Variants in ARHGAP32 observed in about 807,000 individuals in gnomAD.
ARHGAP32 encodes the protein rho GTPase-activating protein 32.
A neutral mutation model predicts 186.5 loss-of-function variants in ARHGAP32; 51 were observed. That is an observed-to-expected ratio of 0.27 (90% CI 0.22 to 0.35). The LOEUF is 0.35. Ranked by LOEUF, ARHGAP32 falls within the 10% of genes least tolerant of loss-of-function variation. The pLI is 1.00. For synonymous variants in ARHGAP32, 950 were observed against 964.3 expected, an observed-to-expected ratio of 0.99 and a Z score of 0.27; for missense variants, 2,186 against 2,623.5, an observed-to-expected ratio of 0.83 and a Z score of 3.64.
At chr11:129,005,297 AC>A (rs1045423069) in intron 11 of ARHGAP32, among the ~76,000 whole-genome samples, 1 of 152,186 alleles carries the variant, frequency 6.6e-6, no homozygotes, top group Non-Finnish European at 1.5e-5. Context: ...TTTACACACC[AC>A]AGTTAGTGTT....
intron 1 of ARHGAP32, among the ~76,000 whole-genome samples, chr11:129,234,550 T>C (rs1200705859): frequency 6.6e-6 from 1 of 152,176 alleles, no homozygotes; most frequent in Non-Finnish European, 1.5e-5. Context: ...AGTTAAAATA[T>C]ATCAATATAA....
chr11:128,971,322 C>T, intron 22 of ARHGAP32, 163 bp from the exon 23 acceptor site: 1 of 589,458 alleles, frequency 1.7e-6, no homozygotes. Context: ...GAAAAGAAGG[C>T]TTGTGCTGCT....
At chr11:129,185,492 A>G (rs545711996) in intron 1 of ARHGAP32, among the ~76,000 whole-genome samples, 71 of 152,292 alleles carry the variant, frequency 4.7e-4, no homozygotes, top group Admixed American at 3.5e-3. Context: ...TAGGAGATAT[A>G]CCTAATGTAA....
Position 129,123,775 on chromosome 11 carries a change from C to A in ARHGAP32, c.359+113G>T. 1.1e-6 allele frequency: 1 copy of A among 921,434 alleles called. No homozygotes were observed. Among genetic ancestry groups the A allele is most frequent in the South Asian group, 1.6e-5 (1 of 61,320 alleles). The allele number at this position is 921,434 out of a possible 1,614,324, so 57.1% of individuals were successfully genotyped here. On this transcript the variant is annotated intron_variant, in intron 4 of 22. Transcript: ENST00000682385. The surrounding 1 kb of genome is among the most constrained non-coding windows in gnomAD (Gnocchi z 4.6). Reference sequence around the variant, plus strand: ...ATCACCGTTATCTCCTAATTTTGACCCGAATCAATGTCCATAGAAAAACTG... The same window carrying A: ...ATCACCGTTATCTCCTAATTTTGACACGAATCAATGTCCATAGAAAAACTG...
At chr11:129,048,060 C>T (rs974666775) in intron 10 of ARHGAP32, among the ~76,000 whole-genome samples, 6 of 151,988 alleles carry the variant, frequency 3.9e-5, no homozygotes, top group African/African-American at 1.5e-4. Context: ...TGAGATATTC[C>T]TACCAATTCC....
At chr11:129,250,453 A>T (rs965400159) in intron 1 of ARHGAP32, among the ~76,000 whole-genome samples, 1 of 152,172 alleles carries the variant, frequency 6.6e-6, no homozygotes, top group Non-Finnish European at 1.5e-5. Flanking sequence ...ATTATTTCTT[A>T]ATATTGATAG....
intron 6 of ARHGAP32, among the ~76,000 whole-genome samples, chr11:129,080,225 C>T (rs985371038): frequency 1.3e-5 from 2 of 152,058 alleles, no homozygotes; most frequent in Non-Finnish European, 2.9e-5. Flanking sequence ...CTATAATGGA[C>T]TTAAACTATA....
chr11:129,234,729 T>A (rs1330635963), intron 1 of ARHGAP32, among the ~76,000 whole-genome samples: 3 of 151,958 alleles, frequency 2.0e-5, no homozygotes, highest in South Asian at 2.1e-4. Context: ...CCCTCCAGAG[T>A]AGGGTGGGGA....
intron 6 of ARHGAP32, among the ~76,000 whole-genome samples, chr11:129,086,560 G>GC (rs2135242783): frequency 6.6e-6 from 1 of 152,180 alleles, no homozygotes; most frequent in South Asian, 2.1e-4. Context: ...GGTGGCTCAC[G>GC]CCTGTAATCC....
At chr11:129,112,749 C>A (rs550834835) in intron 5 of ARHGAP32, among the ~76,000 whole-genome samples, 8 of 152,280 alleles carry the variant, frequency 5.3e-5, no homozygotes, top group Non-Finnish European at 1.0e-4. Context: ...TCTTCACCTT[C>A]CTTTTACTTT....
rs538493192 is a variant in ARHGAP32 at position 129,276,657 on chromosome 11, A to G, written c.-5+2489T>C. The stretch of plus-strand genomic sequence containing the variant: ...GTTACAACATTTAAAAGAGTTTGCT[A>G]GGCCAATTTACCAGGTAACATAGGT... On this transcript the variant is annotated intron_variant, in intron 1 of 6. Coordinates refer to the ARHGAP32 transcript ENST00000525234. Among the ~76,000 whole-genome samples the G allele has an allele frequency of 2.6e-4, 39 of 152,342 alleles. 1 individual carries two copies. The highest frequency in any genetic ancestry group is 9.4e-4 in the African/African-American group (39 of 41,580).
chr11:129,085,565 A>T (rs1214603568), intron 6 of ARHGAP32, among the ~76,000 whole-genome samples: 2 of 152,200 alleles, frequency 1.3e-5, no homozygotes, highest in Non-Finnish European at 2.9e-5. Flanking sequence ...ATACAATTCC[A>T]GTCAAAATCC....
chr11:128,980,252 A>G (rs894942385), intron 18 of ARHGAP32, among the ~76,000 whole-genome samples: 2 of 152,260 alleles, frequency 1.3e-5, no homozygotes, highest in South Asian at 2.1e-4. Flanking sequence ...TAAACAACAT[A>G]GTTCAGAGAG....
intron 2 of ARHGAP32, among the ~76,000 whole-genome samples, chr11:129,144,838 A>G (rs1485727264): frequency 6.6e-6 from 1 of 152,178 alleles, no homozygotes; most frequent in Non-Finnish European, 1.5e-5. Context: ...CTTCTAGAAA[A>G]TATCTCCTCA....
intron 11 of ARHGAP32, among the ~76,000 whole-genome samples, chr11:129,018,578 T>C (rs1472914333): frequency 3.3e-5 from 5 of 152,208 alleles, no homozygotes; most frequent in Non-Finnish European, 7.4e-5. Context: ...AGAAAGTTTC[T>C]GAAAAACTTT....
intron 2 of ARHGAP32, among the ~76,000 whole-genome samples, chr11:129,155,651 T>A (rs145004586): frequency 1.2e-3 from 176 of 152,142 alleles, no homozygotes; most frequent in African/African-American, 3.9e-3. Flanking sequence ...CATTTACCAA[T>A]GGTGAGTTTA....
chr11:129,193,710 T>TTATATATTATATATTATATAA (rs1555111397), upstream of ARHGAP32, among the ~76,000 whole-genome samples: 1,871 of 37,086 alleles, frequency 0.05, 48 homozygotes, highest in Non-Finnish European at 0.085. Context: ...ATAATATATA[T>TTATATATTATATATTATATAA]TATATATTAT....
intron 10 of ARHGAP32, among the ~76,000 whole-genome samples, chr11:129,059,688 T>C (rs1940411835): frequency 6.6e-6 from 1 of 151,872 alleles, no homozygotes; most frequent in Non-Finnish European, 1.5e-5. Context: ...TTAGTAGAGA[T>C]GGGGTTTCAT....
chr11:129,001,714 A>AT (rs61352621), intron 11 of ARHGAP32, among the ~76,000 whole-genome samples: 1,725 of 150,468 alleles, frequency 0.011, 28 homozygotes, highest in African/African-American at 0.037. Flanking sequence ...GATTTTTCCC[A>AT]TTTTTTTTTA....
Sources: gnomAD v4.1 joint callset for allele counts (sites outside exome capture counted in the v4.1 genomes callset) on GRCh38, gnomAD v4.1.1 for gene constraint, Gnocchi (gnomAD v3.1) non-coding constraint, MANE v1.5 for transcripts, NCBI Gene and HGNC (gene_info 2026-07-23, HGNC 2026-07-21) for gene names.